SEMA3A: variants seen among roughly 807,000 people sequenced by gnomAD.
SEMA3A encodes the protein semaphorin-3A.
SEMA3A carries 29 observed loss-of-function variants against 97.9 expected under a neutral mutation model. The observed-to-expected ratio is 0.30, with a 90% CI of 0.22 to 0.40. SEMA3A has a LOEUF of 0.40. SEMA3A is among the 10% of genes least tolerant of loss of function. The pLI, the probability that SEMA3A is intolerant of heterozygous loss-of-function variation, is 1.00. For synonymous variants in SEMA3A, 321 were observed against 323.7 expected, an observed-to-expected ratio of 0.99 and a Z score of 0.09; for missense variants, 763 against 951.3, an observed-to-expected ratio of 0.80 and a Z score of 2.60.
rs539503468 is a variant in SEMA3A, at chr7:84,134,776, A to G, written c.270+18T>C. On this transcript the variant is annotated intron_variant, in intron 2 of 16. Coordinates refer to ENST00000265362, the MANE Select transcript of SEMA3A (RefSeq NM_006080.3). ...ATGCTTCAAAATAACTATAGTGCAT[A>G]TATTAGAATACTGATACCTTTTGAA... 6.4e-6 allele frequency: 10 copies of G among 1,568,082 alleles called. No homozygotes were observed. The South Asian group carries it at 9.1e-5, about 14-fold the overall frequency.
chr7:84,313,219 A>G (rs888557560), intron 2 of SEMA3A, among the ~76,000 whole-genome samples: 2 of 145,634 alleles, frequency 1.4e-5, no homozygotes, highest in African/African-American at 5.0e-5. Flanking sequence ...TTCCAAATTT[A>G]AAATATTTCC....
chr7:84,034,135 C>T (rs930803654), intron 6 of SEMA3A, among the ~76,000 whole-genome samples: 1 of 151,930 alleles, frequency 6.6e-6, no homozygotes, highest in Non-Finnish European at 1.5e-5. Flanking sequence ...AGGCACATAC[C>T]ACCACACCTG....
intron 6 of SEMA3A, among the ~76,000 whole-genome samples, chr7:84,044,174 G>GA (rs1792252864): frequency 1.0e-5 from 1 of 100,142 alleles, no homozygotes; most frequent in Non-Finnish European, 2.7e-5. Flanking sequence ...AATGTTAAGA[G>GA]AGTTTTTTTT....
At position 84,019,930 on chromosome 7, in the gene SEMA3A, T is replaced by C. The variant is rs1480852884; in HGVS notation, c.668-5579A>G. ...TTTTTCTAAATTTCTGTATATATTC[T>C]TAAATTTTTCTTTAGGTGTCCTTTA... On this transcript the variant is annotated intron_variant, in intron 6 of 16. Transcript: ENST00000265362. Among the ~76,000 whole-genome samples, 4 of 151,786 alleles carry C rather than the reference T, an allele frequency of 2.6e-5. No homozygotes were observed. In the South Asian group the frequency reaches 8.3e-4, roughly 31 times the overall value.
intron 1 of SEMA3A, among the ~76,000 whole-genome samples, chr7:84,491,973 T>C (rs1806746037): frequency 6.6e-6 from 1 of 152,136 alleles, no homozygotes; most frequent in African/African-American, 2.4e-5. Context: ...GAGATCAAGC[T>C]ATAGAACAGA....
intron 4 of SEMA3A, among the ~76,000 whole-genome samples, chr7:84,067,650 C>G (rs1267350602): frequency 6.6e-6 from 1 of 152,148 alleles, no homozygotes; most frequent in Non-Finnish European, 1.5e-5. Context: ...GACATTTATG[C>G]AGCCAAAAAA....
chr7:84,171,602 G>T (rs902312574), intron 1 of SEMA3A, among the ~76,000 whole-genome samples: 2 of 152,060 alleles, frequency 1.3e-5, no homozygotes, highest in Non-Finnish European at 2.9e-5. Flanking sequence ...GCATTGGTAT[G>T]AATTCAAATG....
chr7:84,076,860 C>T (rs554217149), intron 4 of SEMA3A, among the ~76,000 whole-genome samples: 2 of 152,188 alleles, frequency 1.3e-5, no homozygotes, highest in African/African-American at 4.8e-5. Flanking sequence ...CCTGAATTTA[C>T]CTGGGTTCCC....
intron 5 of SEMA3A, among the ~76,000 whole-genome samples, chr7:84,050,979 T>C (rs913337443): frequency 6.6e-6 from 1 of 151,842 alleles, no homozygotes; most frequent in Non-Finnish European, 1.5e-5. Flanking sequence ...CCTTTCCCCA[T>C]TGCTTGTTTT....
At chr7:84,452,968 T>A (rs1413222292) in intron 1 of SEMA3A, among the ~76,000 whole-genome samples, 2 of 152,208 alleles carry the variant, frequency 1.3e-5, no homozygotes, top group Non-Finnish European at 2.9e-5. Context: ...CCCTTCTTTT[T>A]AACATTGGAA....
chr7:84,338,837 C>A (rs1323465444), intron 2 of SEMA3A, among the ~76,000 whole-genome samples: 1 of 152,054 alleles, frequency 6.6e-6, no homozygotes, highest in Non-Finnish European at 1.5e-5. Context: ...AGAAGAGGGA[C>A]AAAGTTTTAA....
chr7:84,081,765 T>G (rs1794171493), intron 4 of SEMA3A, among the ~76,000 whole-genome samples: 1 of 152,050 alleles, frequency 6.6e-6, no homozygotes, highest in African/African-American at 2.4e-5. Flanking sequence ...CATCCATATA[T>G]GCATATGTAC....
At chr7:84,484,798 A>G (rs1346853483) in intron 1 of SEMA3A, among the ~76,000 whole-genome samples, 1 of 152,208 alleles carries the variant, frequency 6.6e-6, no homozygotes, top group Admixed American at 6.5e-5. Flanking sequence ...CTTATGACTC[A>G]TATAAATAAA....
chr7:84,268,249 A>ATG (rs66460940), intron 3 of SEMA3A, among the ~76,000 whole-genome samples: 20,401 of 130,810 alleles, frequency 0.16, 1,539 homozygotes, highest in South Asian at 0.27. Context: ...AGACATAAGC[A>ATG]TGTGTGTGTG....
At chr7:84,269,618 A>G (rs1231744731) in intron 3 of SEMA3A, among the ~76,000 whole-genome samples, 3 of 152,132 alleles carry the variant, frequency 2.0e-5, no homozygotes, top group African/African-American at 7.2e-5. Context: ...CAAGTCAAAC[A>G]TCTTGCTTCT....
At chr7:84,335,506 C>A (rs920162598) in intron 2 of SEMA3A, among the ~76,000 whole-genome samples, 1 of 152,124 alleles carries the variant, frequency 6.6e-6, no homozygotes, top group Admixed American at 6.6e-5. Flanking sequence ...ATCTTAATAT[C>A]TATTACATAC....
chr7:84,318,986 C>T (rs373063724), intron 2 of SEMA3A, among the ~76,000 whole-genome samples: 8 of 152,212 alleles, frequency 5.3e-5, no homozygotes, highest in East Asian at 1.9e-4. Flanking sequence ...GGCACCAAGG[C>T]GCAGAGGTAA....
rs78289476 is a variant in SEMA3A at position 83,988,056 on chromosome 7, C to T, written c.1453-2579G>A. Among the ~76,000 whole-genome samples, 129 of 152,202 alleles carry T rather than the reference C, an allele frequency of 8.5e-4. 3 individuals are homozygous for T. In the East Asian group the frequency reaches 0.015, roughly 18 times the overall value. ...TCTTGGCTGCTTCCTCTAATAAACC[C>T]CATTATGCCTTGGAATTCTTTATTA... On this transcript the variant is annotated intron_variant, in intron 12 of 16. Coordinates refer to ENST00000265362, the MANE Select transcript of SEMA3A (RefSeq NM_006080.3).
In SEMA3A at chr7:83,981,622, A is replaced by G. The variant is rs574504688; in HGVS notation, c.1495-144T>C. On this transcript the variant is annotated intron_variant, in intron 13 of 16. Transcript: ENST00000265362. ...TCATCCCTTTATTGCTAATTTCTTTAAAGGCCTTCTAGACAAGATGGCAGT... is the reference window on the plus strand; with the variant it reads ...TCATCCCTTTATTGCTAATTTCTTTGAAGGCCTTCTAGACAAGATGGCAGT... 1.8e-5 allele frequency: 12 copies of G among 681,606 alleles called. No homozygotes were observed. The African/African-American group carries it at 2.2e-4, about 13-fold the overall frequency. The allele number at this position is 681,606 out of a possible 1,614,324, so 42.2% of individuals were successfully genotyped here.
Sources: gnomAD v4.1 joint callset for allele counts (sites outside exome capture counted in the v4.1 genomes callset) on GRCh38, gnomAD v4.1.1 for gene constraint, MANE v1.5 for transcripts, NCBI Gene and HGNC (gene_info 2026-07-23, HGNC 2026-07-21) for gene names.